The following TIAM2 variants were observed in gnomAD, a reference collection of about 807,000 sequenced individuals.
TIAM2 encodes rho guanine nucleotide exchange factor TIAM2.
Under a neutral mutation model 152.9 loss-of-function variants are expected in TIAM2, and 80 were observed. The ratio of observed to expected loss-of-function variants is 0.52; its 90% CI spans 0.44 to 0.63. The LOEUF (loss-of-function observed/expected upper bound fraction) is 0.63, where lower values mean the gene tolerates loss of function less well. Among genes scored for constraint, TIAM2 ranks in the 30% least tolerant of loss-of-function variants. TIAM2 has a pLI of 0.00. For missense variants in TIAM2, 1,965 were observed against 2,120.1 expected (o/e 0.93, Z 1.44); for synonymous variants, 804 against 838.0 (o/e 0.96, Z 0.70).
chr6:155,109,142 C>G (rs1778772084), intron 2 of TIAM2, among the ~76,000 whole-genome samples: 1 of 152,116 alleles, frequency 6.6e-6, no homozygotes, highest in African/African-American at 2.4e-5. Context: ...CACCACCACA[C>G]CCGGCTAATT....
intron 1 of TIAM2, among the ~76,000 whole-genome samples, chr6:155,051,939 C>T (rs766338760): frequency 2.6e-5 from 4 of 152,114 alleles, no homozygotes; most frequent in African/African-American, 9.7e-5. Context: ...TGCGCCTGGC[C>T]GGCTGTGGCT....
At chr6:155,141,035 C>A (rs575108788) in intron 5 of TIAM2, among the ~76,000 whole-genome samples, 1 of 152,170 alleles carries the variant, frequency 6.6e-6, no homozygotes, top group Non-Finnish European at 1.5e-5. Flanking sequence ...GAACTTCTGG[C>A]TACCAACTTC....
chr6:155,138,461 TA>T (rs1779609884), intron 5 of TIAM2, among the ~76,000 whole-genome samples: 1 of 151,922 alleles, frequency 6.6e-6, no homozygotes, highest in South Asian at 2.1e-4. Flanking sequence ...CTTTAAGTTC[TA>T]GGGTACATGT....
At chr6:155,221,030 G>A (rs7763335) in intron 15 of TIAM2, among the ~76,000 whole-genome samples, 1 of 146,470 alleles carries the variant, frequency 6.8e-6, no homozygotes, top group African/African-American at 2.5e-5. Context: ...TTCCCCTGCT[G>A]TTTTCTGTGC....
chr6:155,200,895 C>G (rs1484549954), intron 14 of TIAM2, among the ~76,000 whole-genome samples: 2 of 151,988 alleles, frequency 1.3e-5, no homozygotes, highest in Non-Finnish European at 2.9e-5. Flanking sequence ...GAGCGAGACT[C>G]TGTCTCAAAA....
At chr6:155,036,042 G>C (rs1776916082) in intron 1 of TIAM2, among the ~76,000 whole-genome samples, 1 of 152,182 alleles carries the variant, frequency 6.6e-6, no homozygotes, top group African/African-American at 2.4e-5. Flanking sequence ...GAAAAACCCT[G>C]TGTACAGAGT....
chr6:155,226,282 A>C (rs980839421), intron 15 of TIAM2, among the ~76,000 whole-genome samples: 7 of 152,218 alleles, frequency 4.6e-5, no homozygotes, highest in African/African-American at 1.7e-4. Context: ...CTAATGTACC[A>C]GTGGGGAATG....
intron 14 of TIAM2, among the ~76,000 whole-genome samples, chr6:155,193,749 G>A (rs1781265686): frequency 6.6e-6 from 1 of 152,092 alleles, no homozygotes. Flanking sequence ...ACCAATTTTT[G>A]CTGCTCCATT....
chr6:155,090,482 C>T (rs1012000083), intron 2 of TIAM2, 103 bp downstream of exon 2: 2 of 152,186 alleles, frequency 1.3e-5, no homozygotes, highest in Admixed American at 1.3e-4. Context: ...GTTAATTGCA[C>T]TTTGTATGAG....
intron 1 of TIAM2, among the ~76,000 whole-genome samples, chr6:155,049,318 C>T (rs1268511609): frequency 6.6e-6 from 1 of 152,094 alleles, no homozygotes; most frequent in East Asian, 1.9e-4. Flanking sequence ...TAATGGCCTC[C>T]GTGGTGGTCA....
At chr6:155,172,665 TATATATATATATATATA>T (rs1562341100) in intron 9 of TIAM2, among the ~76,000 whole-genome samples, 2 of 8,060 alleles carry the variant, frequency 2.5e-4, no homozygotes, top group Admixed American at 1.1e-3. Flanking sequence ...TATATATATA[TATATATATATATATATA>T]TATATTTTTT....
rs1212108706 is a variant in TIAM2 at position 155,182,333 on chromosome 6, C to T, written c.2800+15C>T. 1.3e-6 allele frequency: 2 copies of T among 1,598,130 alleles called. No individual in the cohort carries two copies. Among genetic ancestry groups the T allele is most frequent in the African/African-American group, 2.7e-5 (2 of 74,596 alleles). ...GTATGGGGAAGGTCCGTGTGGCACACCGTGCCCCTGTTGCCTCTTAATTTG... is the reference window on the plus strand; with the variant it reads ...GTATGGGGAAGGTCCGTGTGGCACATCGTGCCCCTGTTGCCTCTTAATTTG... On this transcript the variant is annotated intron_variant, in intron 13 of 26. Coordinates refer to ENST00000682666, the MANE Select transcript of TIAM2 (RefSeq NM_012454.4).
rs1562286279 is a variant in TIAM2, at chr6:155,001,590, G to A, written c.-209+6098G>A. Among the ~76,000 whole-genome samples the A allele has an allele frequency of 7.2e-5, 11 of 152,338 alleles. 1 individual carries two copies. The South Asian group carries it at 2.3e-3, about 32-fold the overall frequency. ...TCCTCTCCTGGATGTTACATGGCCT[G>A]GGCCCTGGCCCACTCCTCTCCAGGC... On this transcript the variant is annotated intron_variant, in intron 1 of 26. Transcript: ENST00000682666.
intron 1 of TIAM2, among the ~76,000 whole-genome samples, chr6:155,030,131 A>C (rs1776796028): frequency 6.6e-6 from 1 of 152,028 alleles, no homozygotes; most frequent in South Asian, 2.1e-4. Context: ...TTGTAAAGCA[A>C]ATGGGCTTGA....
At chr6:155,188,569 T>TC in intron 14 of TIAM2, among the ~76,000 whole-genome samples, 1 of 152,294 alleles carries the variant, frequency 6.6e-6, no homozygotes, top group East Asian at 1.9e-4. Flanking sequence ...CCACTGGAAT[T>TC]CCCCAGAGAG....
chr6:154,999,513 A>T (rs941343547), intron 1 of TIAM2, among the ~76,000 whole-genome samples: 1 of 151,900 alleles, frequency 6.6e-6, no homozygotes, highest in Non-Finnish European at 1.5e-5. Context: ...GGCCAGGAAA[A>T]ATAATTTTTA....
At chr6:155,073,409 C>T (rs34259349) in intron 1 of TIAM2, among the ~76,000 whole-genome samples, 19,470 of 151,644 alleles carry the variant, frequency 0.13, 1,466 homozygotes, top group African/African-American at 0.21. Context: ...GTGATCCACC[C>T]GCCTCGGCCT....
chr6:155,194,122 T>C (rs1323315824), intron 14 of TIAM2, among the ~76,000 whole-genome samples: 2 of 152,080 alleles, frequency 1.3e-5, no homozygotes, highest in African/African-American at 2.4e-5. Flanking sequence ...GTCTCACCTT[T>C]GTTAACCCCT....
At position 155,235,528 on chromosome 6, in the gene TIAM2, C is replaced by T. The variant is rs561824995; in HGVS notation, c.3169-5002C>T. ...GTCCCTCTAATGTTTGTAAACATCA[C>T]GAACAGTGGGTGAACTGAAATGTAA... On this transcript the variant is annotated intron_variant, in intron 15 of 26. Coordinates refer to ENST00000682666, the MANE Select transcript of TIAM2 (RefSeq NM_012454.4). Among the ~76,000 whole-genome samples the T allele has an allele frequency of 2.7e-4, 41 of 152,338 alleles. No individual in the cohort carries two copies. In the South Asian group the frequency reaches 7.5e-3, roughly 28 times the overall value.
Sources: allele counts gnomAD v4.1 joint callset (sites outside exome capture counted in the v4.1 genomes callset), GRCh38; gene constraint gnomAD v4.1.1; transcripts MANE v1.5; gene names NCBI Gene and HGNC (gene_info 2026-07-23, HGNC 2026-07-21).